Variants in ARFGEF3 observed in about 807,000 individuals in gnomAD.
The protein encoded by ARFGEF3 is ARFGEF family member 3, also known as brefeldin A-inhibited guanine nucleotide-exchange protein 3.
Under a neutral mutation model 221.7 loss-of-function variants are expected in ARFGEF3, and 96 were observed. The ratio of observed to expected loss-of-function variants is 0.43; its 90% CI spans 0.37 to 0.51. The LOEUF (loss-of-function observed/expected upper bound fraction) is 0.51. Among genes scored for constraint, ARFGEF3 ranks in the 20% least tolerant of loss-of-function variants. The probability of loss-of-function intolerance (pLI) is 0.00; values close to 1 mark genes in which losing one functional copy is unlikely to be tolerated. For missense variants in ARFGEF3, 2,410 were observed against 2,789.9 expected, an observed-to-expected ratio of 0.86 and a Z score of 3.07; for synonymous variants, 1,145 against 1,126.8, an observed-to-expected ratio of 1.02 and a Z score of -0.32.
chr6:138,303,888 A>AAAAAAAAT (rs35383841), intron 22 of ARFGEF3, among the ~76,000 whole-genome samples: 1 of 147,202 alleles, frequency 6.8e-6, no homozygotes, highest in Non-Finnish European at 1.5e-5. Flanking sequence ...AAAAAAAAAA[A>AAAAAAAAT]GATAATAGCA....
At chr6:138,265,900 A>G (rs1778883812) in intron 12 of ARFGEF3, among the ~76,000 whole-genome samples, 1 of 151,762 alleles carries the variant, frequency 6.6e-6, no homozygotes, top group African/African-American at 2.4e-5. Flanking sequence ...CACACCCAGC[A>G]ATTTTTTTTT....
At chr6:138,276,848 TAG>T (rs1286541543) in intron 12 of ARFGEF3, among the ~76,000 whole-genome samples, 11 of 152,256 alleles carry the variant, frequency 7.2e-5, no homozygotes, top group African/African-American at 2.6e-4. Context: ...GTATTTTTAG[TAG>T]AGATGGGGTT....
intron 4 of ARFGEF3, among the ~76,000 whole-genome samples, chr6:138,227,304 T>TA (rs1778103158): frequency 6.6e-6 from 1 of 152,146 alleles, no homozygotes; most frequent in Non-Finnish European, 1.5e-5. Context: ...TCAACACCCT[T>TA]ACGAAGACCT....
rs554868924 is a variant in ARFGEF3, at chr6:138,286,564, T to C, written c.2570-137T>C. The C allele has an allele frequency of 2.6e-5, 18 of 680,610 alleles. No individual in the cohort carries two copies. The East Asian group carries it at 4.7e-4, about 18-fold the overall frequency. 42.2% of individuals were successfully genotyped at this position (680,610 alleles called of 1,614,324 possible). On this transcript the variant is annotated intron_variant, in intron 15 of 33. Transcript: ENST00000251691. ...GAACAAAGTGAAACATAATCCCATA[T>C]AATCCATTGTTATATTTCCTGTTGT...
rs772483501 is a variant in ARFGEF3, at chr6:138,162,071, C to G, written c.-16C>G. 1.3e-6 allele frequency: 2 copies of G among 1,568,318 alleles called. No homozygotes were observed. The highest frequency in any genetic ancestry group is 1.8e-5 in the Admixed American group (1 of 56,620). On this transcript the variant is annotated 5_prime_UTR_variant, in exon 1 of 34. Transcript: ENST00000251691. This position sits in a 1 kb window ranked among gnomAD's most constrained non-coding sequence, Gnocchi z 4.7. ...TCTCTCCCTGTGGGCGGCGGCCCGG[C>G]GCCTGGAAGGTCAAGATGGAAGAAA...
intron 15 of ARFGEF3, 124 bp downstream of exon 15, chr6:138,286,177 C>G (rs1779285329): frequency 4.4e-6 from 3 of 679,030 alleles, no homozygotes; most frequent in Admixed American, 2.3e-5. Flanking sequence ...TGGGCCGGGC[C>G]CGGTGGCTCA....
rs748766160 is a variant in ARFGEF3, at chr6:138,335,056, G to T, written c.6210G>T (p.Leu2070Phe). The change falls in exon 33 of 34, where the codon TTG becomes TTT. Residue 2070 changes from leucine to phenylalanine, a missense_variant. Coordinates refer to ENST00000251691, the MANE Select transcript of ARFGEF3 (RefSeq NM_020340.5). The part of the protein sequence containing the change: ...DSPLLQRPQH[L>F]MDQGQMRHSF... Reference sequence around the variant, plus strand: ...CGCTGCTTCAGCGTCCCCAGCACTTGATGGACCAAGGGCAAATGCGGCATT... The same window carrying T: ...CGCTGCTTCAGCGTCCCCAGCACTTTATGGACCAAGGGCAAATGCGGCATT... 3.8e-6 allele frequency: 6 copies of T among 1,598,844 alleles called. No individual in the cohort carries two copies. Among genetic ancestry groups the T allele is most frequent in the Non-Finnish European group, 5.1e-6 (6 of 1,173,422 alleles).
chr6:138,194,837 A>G (rs1316837462), intron 2 of ARFGEF3, among the ~76,000 whole-genome samples: 1 of 152,028 alleles, frequency 6.6e-6, no homozygotes. Context: ...GACTGGATAG[A>G]GGAGATGAAG....
rs550842612 is a variant in ARFGEF3, at chr6:138,291,286, CCT to C, written c.3048-443_3048-442del. 2.7e-3 allele frequency among the ~76,000 whole-genome samples: 416 copies of C among 152,292 alleles called. 1 individual carries two copies. The highest frequency in any genetic ancestry group is 9.6e-3 in the African/African-American group (400 of 41,562). ...GGCAGAACCCACTGTGGCTAGTTGGCCTCTCCGTCATAGGTATAGCCATTCTG... is the reference window on the plus strand; with the variant it reads ...GGCAGAACCCACTGTGGCTAGTTGGCCTCCGTCATAGGTATAGCCATTCTG... On this transcript the variant is annotated intron_variant, in intron 18 of 33. Coordinates refer to ENST00000251691, the MANE Select transcript of ARFGEF3 (RefSeq NM_020340.5). The surrounding 1 kb of genome is among the most constrained non-coding windows in gnomAD (Gnocchi z 4.5).
In ARFGEF3 at chr6:138,291,685, C is replaced by G. The variant is rs1204202669; in HGVS notation, c.3048-48C>G. 2.4e-6 allele frequency: 3 copies of G among 1,260,026 alleles called. No homozygotes were observed. The highest frequency in any genetic ancestry group is 2.0e-4 in the Middle Eastern group (1 of 4,944). The allele number at this position is 1,260,026 out of a possible 1,614,324, so 78.1% of individuals were successfully genotyped here. On this transcript the variant is annotated intron_variant, in intron 18 of 33. Transcript: ENST00000251691. This position sits in a 1 kb window ranked among gnomAD's most constrained non-coding sequence, Gnocchi z 4.5. ...GGCACTGTGGGGTTTATGGAGCTGC[C>G]GGGGTGAGCTGCAGCGCCTAACAGC...
intron 10 of ARFGEF3, among the ~76,000 whole-genome samples, chr6:138,256,259 A>G (rs532933943): frequency 6.6e-6 from 1 of 152,280 alleles, no homozygotes; most frequent in East Asian, 1.9e-4. Context: ...GCAAGAACAT[A>G]CAGGTTGTCC....
In ARFGEF3 at chr6:138,339,612, A is replaced by G. The variant is rs981208707; in HGVS notation, c.*3126A>G. 6.6e-6 allele frequency: 1 copy of G among 152,210 alleles called. No individual in the cohort carries two copies. Among genetic ancestry groups the G allele is most frequent in the Admixed American group, 6.5e-5 (1 of 15,268 alleles). The allele number at this position is 152,210 out of a possible 1,614,324, so 9.4% of individuals were successfully genotyped here. The stretch of plus-strand genomic sequence containing the variant: ...TGAAACAAACATCTGGAAAACTCCA[A>G]GTATAAGAGACCCTGGACTGATGAT... On this transcript the variant is annotated 3_prime_UTR_variant, in exon 34 of 34. Transcript: ENST00000251691.
intron 1 of ARFGEF3, among the ~76,000 whole-genome samples, chr6:138,167,963 C>T (rs1051175561): frequency 6.6e-6 from 1 of 152,202 alleles, no homozygotes; most frequent in African/African-American, 2.4e-5. Flanking sequence ...TCATCCCCCT[C>T]TGAGACCCTC....
At chr6:138,313,455 C>G (rs571903412) in intron 25 of ARFGEF3, among the ~76,000 whole-genome samples, 2 of 152,346 alleles carry the variant, frequency 1.3e-5, no homozygotes, top group South Asian at 4.1e-4. Context: ...CCACAGAACA[C>G]TTATTCGCTT....
chr6:138,287,228 G>T, intron 17 of ARFGEF3, 44 bp downstream of exon 17: 1 of 1,410,876 alleles, frequency 7.1e-7, no homozygotes. Flanking sequence ...CTTGGGTGCA[G>T]TATGCACACA....
At chr6:138,204,929 G>A (rs1777601148) in intron 2 of ARFGEF3, among the ~76,000 whole-genome samples, 1 of 152,190 alleles carries the variant, frequency 6.6e-6, no homozygotes, top group Non-Finnish European at 1.5e-5. Context: ...ATGGGGAACA[G>A]TTCAGTGATG....
intron 24 of ARFGEF3, 118 bp from the exon 25 acceptor site, chr6:138,311,289 C>T: frequency 3.1e-6 from 2 of 636,804 alleles, no homozygotes; most frequent in East Asian, 2.8e-5. Context: ...CTCCTTTTCT[C>T]CCACTCTCTT....
chr6:138,187,372 C>T (rs1420337282), intron 2 of ARFGEF3, among the ~76,000 whole-genome samples: 1 of 152,208 alleles, frequency 6.6e-6, no homozygotes, highest in African/African-American at 2.4e-5. Flanking sequence ...GTCCTTTTCA[C>T]AGACCCCATT....
intron 12 of ARFGEF3, among the ~76,000 whole-genome samples, chr6:138,272,946 A>G (rs1414464465): frequency 6.6e-6 from 1 of 152,324 alleles, no homozygotes; most frequent in East Asian, 1.9e-4. Context: ...TCATAATTGA[A>G]ACAACATAAA....
Sources: allele counts gnomAD v4.1 joint callset (sites outside exome capture counted in the v4.1 genomes callset), GRCh38; gene constraint gnomAD v4.1.1; non-coding constraint Gnocchi (gnomAD v3.1); transcripts MANE v1.5; gene names NCBI Gene and HGNC (gene_info 2026-07-23, HGNC 2026-07-21).